Variants in ABCC4 observed in about 807,000 individuals in gnomAD.
ABCC4 encodes the protein ATP binding cassette subfamily C member 4 (PEL blood group).
In ABCC4, 102 loss-of-function variants were observed where a neutral mutation model predicts 168.5. The ratio of observed to expected loss-of-function variants is 0.61; its 90% CI spans 0.52 to 0.71. The LOEUF (loss-of-function observed/expected upper bound fraction) is 0.71. ABCC4 is among the 30% of genes least tolerant of loss of function. ABCC4 has a pLI of 0.00. For missense variants in ABCC4, 1,402 were observed against 1,605.8 expected, an observed-to-expected ratio of 0.87 and a Z score of 2.17; for synonymous variants, 617 against 590.7, an observed-to-expected ratio of 1.04 and a Z score of -0.65.
At chr13:95,209,142 A>G (rs1325006555) in intron 6 of ABCC4, among the ~76,000 whole-genome samples, 1 of 152,232 alleles carries the variant, frequency 6.6e-6, no homozygotes, top group African/African-American at 2.4e-5. Flanking sequence ...TATTCATTAT[A>G]TGTTTAACTA....
At chr13:95,101,972 A>T (rs1296352798) in intron 20 of ABCC4, among the ~76,000 whole-genome samples, 1 of 152,228 alleles carries the variant, frequency 6.6e-6, no homozygotes, top group Admixed American at 6.5e-5. Flanking sequence ...ACTTCATTTT[A>T]TCCTCACAAT....
intron 30 of ABCC4, among the ~76,000 whole-genome samples, chr13:95,031,826 T>C (rs1418430489): frequency 6.6e-6 from 1 of 152,250 alleles, no homozygotes; most frequent in Non-Finnish European, 1.5e-5. Flanking sequence ...TATTATCTTA[T>C]GTTAGTTGGA....
At chr13:95,091,721 A>G (rs1322683332) in intron 20 of ABCC4, among the ~76,000 whole-genome samples, 1 of 151,894 alleles carries the variant, frequency 6.6e-6, no homozygotes, top group African/African-American at 2.4e-5. Flanking sequence ...TACAGGACCT[A>G]TAAAACAAAA....
chr13:95,120,437 G>A (rs1449026667), intron 19 of ABCC4, among the ~76,000 whole-genome samples: 1 of 151,766 alleles, frequency 6.6e-6, no homozygotes, highest in Non-Finnish European at 1.5e-5. Context: ...CGTGGTGGTG[G>A]GCGCCTTTAA....
chr13:95,128,531 T>C (rs1260305840), intron 19 of ABCC4, among the ~76,000 whole-genome samples: 1 of 152,200 alleles, frequency 6.6e-6, no homozygotes, highest in East Asian at 1.9e-4. Flanking sequence ...ATCATAGCTG[T>C]GCAACTCTTT....
At chr13:95,093,712 GA>G (rs1438461339) in intron 20 of ABCC4, among the ~76,000 whole-genome samples, 1 of 152,072 alleles carries the variant, frequency 6.6e-6, no homozygotes, top group African/African-American at 2.4e-5. Context: ...ACAAAAGAAA[GA>G]AATAAAGGGC....
intron 4 of ABCC4, among the ~76,000 whole-genome samples, chr13:95,227,328 C>A (rs1169758586): frequency 6.6e-6 from 1 of 152,174 alleles, no homozygotes; most frequent in African/African-American, 2.4e-5. Flanking sequence ...CAAATTGTCC[C>A]TTGATGAGAT....
At chr13:95,033,540 T>C (rs17189299) in intron 30 of ABCC4, among the ~76,000 whole-genome samples, 15,331 of 152,278 alleles carry the variant, frequency 0.1, 792 homozygotes, top group Middle Eastern at 0.14. Flanking sequence ...CACATCACCA[T>C]TGTTGGAAAG....
chr13:95,218,912 A>T (rs2039205201), intron 4 of ABCC4, among the ~76,000 whole-genome samples: 1 of 119,552 alleles, frequency 8.4e-6, no homozygotes, highest in African/African-American at 3.7e-5. Flanking sequence ...AGAAAGAGAG[A>T]GAGAGAGAAA....
chr13:95,154,908 T>C (rs1341871224), intron 19 of ABCC4, among the ~76,000 whole-genome samples: 1 of 152,210 alleles, frequency 6.6e-6, no homozygotes, highest in Admixed American at 6.5e-5. Flanking sequence ...AACAGATAAA[T>C]AGGTATCCCT....
At chr13:95,119,518 C>T (rs894508570) in intron 19 of ABCC4, among the ~76,000 whole-genome samples, 9 of 152,160 alleles carry the variant, frequency 5.9e-5, no homozygotes, top group African/African-American at 9.7e-5. Flanking sequence ...TTTTCCACAA[C>T]ATAGAATATT....
At chr13:95,268,150 AC>A (rs1032295068) in intron 1 of ABCC4, among the ~76,000 whole-genome samples, 4 of 151,858 alleles carry the variant, frequency 2.6e-5, no homozygotes, top group Non-Finnish European at 4.4e-5. Flanking sequence ...CTGTAACCCT[AC>A]CCCCAACCCT....
intron 19 of ABCC4, chr13:95,148,934 T>A (rs1443341817): frequency 6.6e-6 from 1 of 152,156 alleles, no homozygotes; most frequent in African/African-American, 2.4e-5. Context: ...CTCCTACAGC[T>A]TCTCGTGTGT....
intron 11 of ABCC4, among the ~76,000 whole-genome samples, chr13:95,183,399 A>G (rs1046512018): frequency 6.6e-6 from 1 of 152,280 alleles, no homozygotes; most frequent in East Asian, 1.9e-4. Flanking sequence ...CTCTATGGCC[A>G]TCTAACACCC....
At chr13:95,134,361 T>TG (rs1354187042) in intron 19 of ABCC4, among the ~76,000 whole-genome samples, 1 of 152,070 alleles carries the variant, frequency 6.6e-6, no homozygotes. Context: ...TCAAGGGAAG[T>TG]GGAGAAGGGC....
At chr13:95,185,435 C>T (rs2038026755) in intron 11 of ABCC4, among the ~76,000 whole-genome samples, 1 of 152,214 alleles carries the variant, frequency 6.6e-6, no homozygotes, top group East Asian at 1.9e-4. Flanking sequence ...GCCCATTAAA[C>T]AAGCAATGAT....
intron 4 of ABCC4, among the ~76,000 whole-genome samples, chr13:95,217,063 G>A (rs1292249671): frequency 6.6e-6 from 1 of 152,130 alleles, no homozygotes; most frequent in Non-Finnish European, 1.5e-5. Flanking sequence ...TGTGAATGGT[G>A]GAAGTAAACA....
chr13:95,231,429 G>A lies in ABCC4; in HGVS notation c.531+3181C>T, dbSNP rs966900571. Among the ~76,000 whole-genome samples, 15 of 152,236 alleles carry A rather than the reference G, an allele frequency of 9.9e-5. No individual in the cohort carries two copies. In the East Asian group the frequency reaches 2.9e-3, roughly 29 times the overall value. On this transcript the variant is annotated intron_variant, in intron 4 of 30. Transcript: ENST00000645237. The stretch of plus-strand genomic sequence containing the variant: ...AGATCATTCAATACCAAATGTCGAC[G>A]ACGGGCTCGGCAGTCATTCCATTTG...
In ABCC4 at chr13:95,181,337, G is replaced by C. The variant is rs370193966; in HGVS notation, c.1546-3246C>G. On this transcript the variant is annotated intron_variant, in intron 11 of 30. Transcript: ENST00000645237. ...CACAAGAAGAGGCCCCAGAGTCAGAGAGCAGGGCTCTCCAGCTTTGGGCCA... is the reference window on the plus strand; with the variant it reads ...CACAAGAAGAGGCCCCAGAGTCAGACAGCAGGGCTCTCCAGCTTTGGGCCA... Among the ~76,000 whole-genome samples, 9 of 152,350 alleles carry C rather than the reference G, an allele frequency of 5.9e-5. No homozygotes were observed. The South Asian group carries it at 1.7e-3, about 28-fold the overall frequency.
Sources: allele counts gnomAD v4.1 joint callset (sites outside exome capture counted in the v4.1 genomes callset), GRCh38; gene constraint gnomAD v4.1.1; transcripts MANE v1.5; gene names NCBI Gene and HGNC (gene_info 2026-07-23, HGNC 2026-07-21).